The following SLC1A1 variants were observed in gnomAD, a reference collection of about 807,000 sequenced individuals.
The protein encoded by SLC1A1 is excitatory amino acid transporter 3.
A neutral mutation model predicts 53.3 loss-of-function variants in SLC1A1; 43 were observed. That is an observed-to-expected ratio of 0.81 (90% CI 0.63 to 1.04). The LOEUF is 1.04. Among genes scored for constraint, SLC1A1 ranks in the 50% least tolerant of loss-of-function variants. The pLI, the probability that SLC1A1 is intolerant of heterozygous loss-of-function variation, is 0.00. For missense variants in SLC1A1, 748 were observed against 664.9 expected, an observed-to-expected ratio of 1.12 and a Z score of -1.37; for synonymous variants, 307 against 243.2, an observed-to-expected ratio of 1.26 and a Z score of -2.44.
Position 4,490,787 on chromosome 9 carries a change from G to C in SLC1A1, c.91+17G>C. 2 of 1,603,196 alleles carry C rather than the reference G, an allele frequency of 1.2e-6. No individual in the cohort carries two copies. The highest frequency in any genetic ancestry group is 1.7e-6 in the Non-Finnish European group (2 of 1,171,462). On this transcript the variant is annotated intron_variant, in intron 1 of 11. Transcript: ENST00000262352. ...TGGTGCTAGGTGAGCGGCGCGGCGGGTGGGCGATGCGCGCACCCTCACGCG... is the reference window on the plus strand; with the variant it reads ...TGGTGCTAGGTGAGCGGCGCGGCGGCTGGGCGATGCGCGCACCCTCACGCG...
chr9:4,552,776 G>GATA (rs906015697), intron 2 of SLC1A1, among the ~76,000 whole-genome samples: 2 of 151,316 alleles, frequency 1.3e-5, no homozygotes, highest in Non-Finnish European at 2.9e-5. Context: ...TTAAAATATG[G>GATA]ATAATAATAA....
At chr9:4,564,899 T>A (rs911200466) in intron 4 of SLC1A1, among the ~76,000 whole-genome samples, 4 of 152,236 alleles carry the variant, frequency 2.6e-5, no homozygotes, top group African/African-American at 4.8e-5. Flanking sequence ...CAATTTTGTT[T>A]TCACTTAAAA....
intron 1 of SLC1A1, among the ~76,000 whole-genome samples, chr9:4,534,993 G>A (rs1227531120): frequency 6.6e-6 from 1 of 152,104 alleles, no homozygotes; most frequent in African/African-American, 2.4e-5. Context: ...AAAGGCCTTT[G>A]ACAAAATTCA....
chr9:4,519,153 G>C (rs1815975654), intron 1 of SLC1A1, among the ~76,000 whole-genome samples: 3 of 152,224 alleles, frequency 2.0e-5, no homozygotes. Context: ...CTAAAGAGAA[G>C]TTTCTGTTCA....
intron 1 of SLC1A1, among the ~76,000 whole-genome samples, chr9:4,532,734 G>A (rs1230457384): frequency 6.6e-6 from 1 of 152,102 alleles, no homozygotes; most frequent in South Asian, 2.1e-4. Context: ...TACTCCTCGA[G>A]AAGAGCAACT....
chr9:4,561,939 G>C (rs1389510551), intron 3 of SLC1A1, among the ~76,000 whole-genome samples: 2 of 152,008 alleles, frequency 1.3e-5, no homozygotes, highest in East Asian at 3.9e-4. Flanking sequence ...TAATTAAAAA[G>C]AGACGTGGGG....
intron 1 of SLC1A1, among the ~76,000 whole-genome samples, chr9:4,492,902 A>G (rs1478525062): frequency 1.3e-5 from 2 of 152,144 alleles, no homozygotes; most frequent in Non-Finnish European, 1.5e-5. Flanking sequence ...GGGGCTCTCC[A>G]GAGATACTCA....
At chr9:4,494,922 A>C (rs950085670) in intron 1 of SLC1A1, among the ~76,000 whole-genome samples, 1 of 152,236 alleles carries the variant, frequency 6.6e-6, no homozygotes, top group African/African-American at 2.4e-5. Flanking sequence ...ACTTAGAGCT[A>C]TTCAGAAAAA....
At chr9:4,514,159 CTAAAA>C (rs1821085697) in intron 1 of SLC1A1, among the ~76,000 whole-genome samples, 3 of 152,152 alleles carry the variant, frequency 2.0e-5, no homozygotes, top group South Asian at 2.1e-4. Flanking sequence ...GAACTGTACA[CTAAAA>C]TAGTCAATTT....
chr9:4,582,299 A>C (rs1821173233), intron 10 of SLC1A1, among the ~76,000 whole-genome samples: 1 of 152,202 alleles, frequency 6.6e-6, no homozygotes, highest in South Asian at 2.1e-4. Flanking sequence ...CCCCTCCTGG[A>C]TTCCAGATCT....
intron 1 of SLC1A1, among the ~76,000 whole-genome samples, chr9:4,503,561 T>C (rs1292435439): frequency 6.6e-6 from 1 of 151,722 alleles, no homozygotes; most frequent in African/African-American, 2.4e-5. Flanking sequence ...TGGAATGGCC[T>C]TGAGCAGGTG....
intron 1 of SLC1A1, among the ~76,000 whole-genome samples, chr9:4,514,680 T>C (rs1016206467): frequency 1.2e-4 from 18 of 152,068 alleles, no homozygotes; most frequent in African/African-American, 4.1e-4. Context: ...TCAGAGAGCT[T>C]GCATGCCACC....
intron 2 of SLC1A1, among the ~76,000 whole-genome samples, chr9:4,547,774 A>C (rs763526706): frequency 7.2e-5 from 11 of 152,266 alleles, no homozygotes; most frequent in Non-Finnish European, 1.5e-4. Context: ...ACAAATTTAT[A>C]TTGTATACAT....
At chr9:4,502,890 T>C (rs565174332) in intron 1 of SLC1A1, among the ~76,000 whole-genome samples, 2 of 151,818 alleles carry the variant, frequency 1.3e-5, no homozygotes, top group South Asian at 4.1e-4. Context: ...GTTAGTCCTT[T>C]CCGCTACGCT....
intron 10 of SLC1A1, among the ~76,000 whole-genome samples, chr9:4,578,495 C>G (rs1428583533): frequency 6.6e-6 from 1 of 152,002 alleles, no homozygotes; most frequent in African/African-American, 2.4e-5. Flanking sequence ...AATCCTAATA[C>G]TAGAAGCAGG....
intron 1 of SLC1A1, among the ~76,000 whole-genome samples, chr9:4,530,884 A>T (rs1490250189): frequency 1.3e-5 from 2 of 152,186 alleles, no homozygotes; most frequent in African/African-American, 4.8e-5. Context: ...CTTAAACCTA[A>T]AAATGTATGC....
chr9:4,510,968 G>A lies in SLC1A1; in HGVS notation c.91+20198G>A, dbSNP rs1228104293. On this transcript the variant is annotated intron_variant, in intron 1 of 11. Transcript: ENST00000262352. ...CAAGGGATACTGTCCCTTAGCAAGA[G>A]CAACAGACCTGCCTTTTATCTGTTA... Among the ~76,000 whole-genome samples, 3 of 152,336 alleles carry A rather than the reference G, an allele frequency of 2.0e-5. No individual in the cohort carries two copies. The East Asian group carries it at 5.8e-4, about 29-fold the overall frequency.
intron 1 of SLC1A1, among the ~76,000 whole-genome samples, chr9:4,542,200 GAGGA>G (rs144072029): frequency 6.4e-5 from 9 of 141,152 alleles, no homozygotes; most frequent in Admixed American, 3.5e-4. Flanking sequence ...CGGAGGGAGG[GAGGA>G]AGGAAGGAAG....
At chr9:4,527,823 CA>C (rs1307019313) in intron 1 of SLC1A1, among the ~76,000 whole-genome samples, 2 of 151,984 alleles carry the variant, frequency 1.3e-5, no homozygotes, top group Non-Finnish European at 2.9e-5. Flanking sequence ...TCTGTCATGG[CA>C]AAGTGGTAAG....
Sources: allele counts gnomAD v4.1 joint callset (sites outside exome capture counted in the v4.1 genomes callset), GRCh38; gene constraint gnomAD v4.1.1; transcripts MANE v1.5; gene names NCBI Gene and HGNC (gene_info 2026-07-23, HGNC 2026-07-21).